KLHL3: variants seen among roughly 807,000 people sequenced by gnomAD.
KLHL3 encodes kelch like family member 3.
A neutral mutation model predicts 70.5 loss-of-function variants in KLHL3; 19 were observed. The ratio of observed to expected loss-of-function variants is 0.27; its 90% CI spans 0.19 to 0.40. KLHL3 has a LOEUF of 0.40. Among genes scored for constraint, KLHL3 ranks in the 10% least tolerant of loss-of-function variants. KLHL3 has a pLI of 1.00. For missense variants in KLHL3, 512 were observed against 771.1 expected (o/e 0.66, Z 3.98); for synonymous variants, 258 against 290.3 (o/e 0.89, Z 1.13).
In KLHL3 at chr5:137,620,671, C is replaced by T. The variant is rs1019046605; in HGVS notation, c.*1427G>A. 6.6e-6 allele frequency: 1 copy of T among 152,178 alleles called. No homozygotes were observed. The highest frequency in any genetic ancestry group is 2.4e-5 in the African/African-American group (1 of 41,432). The allele number at this position is 152,178 out of a possible 1,614,324, so 9.4% of individuals were successfully genotyped here. ...ATTACTCCATGCCCCCTCAAATGCC[C>T]GCTCCTCAAGATGCTTGAAGTTCTA... On this transcript the variant is annotated 3_prime_UTR_variant, in exon 15 of 15. Coordinates refer to ENST00000309755, the MANE Select transcript of KLHL3 (RefSeq NM_017415.3).
intron 8 of KLHL3, among the ~76,000 whole-genome samples, chr5:137,653,672 C>T (rs1199159816): frequency 2.6e-5 from 4 of 152,132 alleles, no homozygotes; most frequent in African/African-American, 9.7e-5. Flanking sequence ...AATAGTATAG[C>T]CATTTTAAAA....
chr5:137,702,418 G>C (rs1295186155), intron 3 of KLHL3, among the ~76,000 whole-genome samples: 1 of 152,204 alleles, frequency 6.6e-6, no homozygotes, highest in African/African-American at 2.4e-5. Context: ...CAAAGGTCTG[G>C]AGGTAACAAA....
chr5:137,644,216 C>T (rs1750986918), intron 8 of KLHL3, among the ~76,000 whole-genome samples: 1 of 152,010 alleles, frequency 6.6e-6, no homozygotes, highest in Admixed American at 6.6e-5. Flanking sequence ...TTACAGGTGC[C>T]CACCACCACA....
At chr5:137,664,305 G>A (rs1343138496) in intron 6 of KLHL3, among the ~76,000 whole-genome samples, 1 of 150,974 alleles carries the variant, frequency 6.6e-6, no homozygotes, top group Admixed American at 6.6e-5. Context: ...TGCCATGAGT[G>A]TACCACTGTA....
At chr5:137,663,690 T>A (rs887702651) in intron 6 of KLHL3, among the ~76,000 whole-genome samples, 2 of 152,208 alleles carry the variant, frequency 1.3e-5, no homozygotes, top group African/African-American at 4.8e-5. Flanking sequence ...TCTGAATATT[T>A]CCTTAGTTGA....
rs139890036 is a variant in KLHL3 at position 137,663,056 on chromosome 5, C to CTTTTTTTTTTTTTTTTTTT, written c.637-1044_637-1026dup. ...CCCTCAGTATCCTTGAGCACTCGTT[C>CTTTTTTTTTTTTTTTTTTT]TTTTTTTTTTTTTTTTTTTTTTTTT... On this transcript the variant is annotated intron_variant, in intron 6 of 14. Coordinates refer to ENST00000309755, the MANE Select transcript of KLHL3 (RefSeq NM_017415.3). 6.4e-5 allele frequency among the ~76,000 whole-genome samples: 5 copies of CTTTTTTTTTTTTTTTTTTT among 77,928 alleles called. 1 individual carries two copies. The highest frequency in any genetic ancestry group is 2.2e-4 in the African/African-American group (4 of 18,490). 51.1% of individuals were successfully genotyped at this position (77,928 alleles called of 152,430 possible).
chr5:137,677,455 A>T, intron 6 of KLHL3, 90 bp downstream of exon 6: 1 of 758,920 alleles, frequency 1.3e-6, no homozygotes, highest in South Asian at 1.8e-5. Flanking sequence ...CTCAAAAAAA[A>T]AGAAAAGAAA....
Position 137,735,810 on chromosome 5 carries a change from T to G in KLHL3, c.-164A>C, listed in dbSNP as rs1167015023. On this transcript the variant is annotated 5_prime_UTR_variant, in exon 1 of 15. Coordinates refer to ENST00000309755, the MANE Select transcript of KLHL3 (RefSeq NM_017415.3). Reference sequence around the variant, plus strand: ...CCTCCCTTCTCAATCCTCCTTCCTCTGACTTACTCGCAGCAGCTTCTACCG... The same window carrying G: ...CCTCCCTTCTCAATCCTCCTTCCTCGGACTTACTCGCAGCAGCTTCTACCG... The G allele has an allele frequency of 6.6e-6, 6 of 903,130 alleles. No homozygotes were observed. The highest frequency in any genetic ancestry group is 1.1e-5 in the Non-Finnish European group (6 of 554,616). The allele number at this position is 903,130 out of a possible 1,614,324, so 55.9% of individuals were successfully genotyped here.
At position 137,617,659 on chromosome 5, in the gene KLHL3, C is replaced by A. The variant is rs950356388; in HGVS notation, c.*4439G>T. The A allele has an allele frequency of 6.6e-6, 1 of 152,192 alleles. No homozygotes were observed. Among genetic ancestry groups the A allele is most frequent in the African/African-American group, 2.4e-5 (1 of 41,436 alleles). 9.4% of individuals were successfully genotyped at this position (152,192 alleles called of 1,614,324 possible). ...CAAGATATACAGTCCCTAACAGCCACGCAGAGAACACCAGATCGAGGATCT... is the reference window on the plus strand; with the variant it reads ...CAAGATATACAGTCCCTAACAGCCAAGCAGAGAACACCAGATCGAGGATCT... On this transcript the variant is annotated 3_prime_UTR_variant, in exon 15 of 15. Transcript: ENST00000309755.
chr5:137,712,187 A>C (rs2149930760), intron 2 of KLHL3, among the ~76,000 whole-genome samples: 1 of 148,936 alleles, frequency 6.7e-6, no homozygotes, highest in African/African-American at 2.5e-5. Context: ...AAAAAAGAGT[A>C]ACCGGTTATA....
chr5:137,649,643 C>T (rs1214214459), intron 8 of KLHL3, among the ~76,000 whole-genome samples: 1 of 152,228 alleles, frequency 6.6e-6, no homozygotes, highest in Non-Finnish European at 1.5e-5. Context: ...ATTTGTAATG[C>T]AGAAATAGAT....
rs1751915799 is a variant in KLHL3 at position 137,677,583 on chromosome 5, T to G, written c.598A>C (p.Ile200Leu). ...SLSLDQVCSL[I>L]SSDKLTVSSE... is the part of the protein sequence containing the mutation. ...GAAACGGTCAGCTTGTCGCTGGATA[T>G]CAAGCTGCACACCTGGTCCAGACTC... Residue 200 changes from isoleucine to leucine, a missense_variant, in exon 6 of 15, where the codon ATA becomes CTA. Transcript: ENST00000309755. The G allele has an allele frequency of 6.2e-7, 1 of 1,609,406 alleles. No homozygotes were observed. The highest frequency in any genetic ancestry group is 2.2e-5 in the East Asian group (1 of 44,536).
At chr5:137,704,909 A>C (rs1030667384) in intron 3 of KLHL3, among the ~76,000 whole-genome samples, 6 of 152,202 alleles carry the variant, frequency 3.9e-5, no homozygotes, top group Non-Finnish European at 2.9e-5. Context: ...GCCCTATGTC[A>C]CTGTCACTTA....
At chr5:137,628,492 C>T (rs374521775) in intron 12 of KLHL3, 55 bp from the exon 13 acceptor site, 1 of 1,603,928 alleles carries the variant, frequency 6.2e-7, no homozygotes, top group Non-Finnish European at 8.5e-7. Context: ...AACCAGAAAT[C>T]AGGAGGCCTG....
Position 137,647,987 on chromosome 5 carries a change from C to T in KLHL3, c.904-8010G>A, listed in dbSNP as rs573711523. Among the ~76,000 whole-genome samples, 5 of 152,256 alleles carry T rather than the reference C, an allele frequency of 3.3e-5. No individual in the cohort carries two copies. The East Asian group carries it at 9.6e-4, about 29-fold the overall frequency. On this transcript the variant is annotated intron_variant, in intron 8 of 14. Coordinates refer to ENST00000309755, the MANE Select transcript of KLHL3 (RefSeq NM_017415.3). ...TGCTTCCCATATGGGTGTCAGGAGG[C>T]TTAAATGATATGAAGCACTTAGCAC... is the stretch of plus-strand genomic sequence containing the variant.
Position 137,720,462 on chromosome 5 carries a change from T to C in KLHL3, c.134+3A>G, listed in dbSNP as rs780845253. On this transcript the variant is annotated splice_donor_region_variant and intron_variant, in intron 2 of 14. Coordinates refer to ENST00000309755, the MANE Select transcript of KLHL3 (RefSeq NM_017415.3). ...AAGGGCACGGACAAGATAGAAAAAG[T>C]ACCTCCGCAGTTCATTCATAACCTT... The C allele has an allele frequency of 1.9e-6, 3 of 1,614,084 alleles. No individual in the cohort carries two copies. Among genetic ancestry groups the C allele is most frequent in the Non-Finnish European group, 2.5e-6 (3 of 1,179,972 alleles).
At chr5:137,711,680 G>C (rs1451814731) in intron 2 of KLHL3, among the ~76,000 whole-genome samples, 2 of 152,132 alleles carry the variant, frequency 1.3e-5, no homozygotes, top group Non-Finnish European at 2.9e-5. Flanking sequence ...CTGGCTATGA[G>C]ACCATGGGCA....
At position 137,655,782 on chromosome 5, in the gene KLHL3, G is replaced by A. The variant is rs138070538; in HGVS notation, c.903+2349C>T. ...GTGGACTGCTTGAGCTCAGGAGTTC[G>A]AGACCAGCCTAGGCAATAGGCAAAA... On this transcript the variant is annotated intron_variant, in intron 8 of 14. Coordinates refer to ENST00000309755, the MANE Select transcript of KLHL3 (RefSeq NM_017415.3). Among the ~76,000 whole-genome samples, 242 of 151,946 alleles carry A rather than the reference G, an allele frequency of 1.6e-3. 1 individual carries two copies. The highest frequency in any genetic ancestry group is 5.6e-3 in the African/African-American group (231 of 41,460).
intron 2 of KLHL3, among the ~76,000 whole-genome samples, chr5:137,718,834 C>G (rs1217655329): frequency 1.3e-5 from 2 of 152,198 alleles, no homozygotes; most frequent in Admixed American, 6.5e-5. Context: ...GGCAGGAGGC[C>G]TGATAAAAAT....
Sources: allele counts gnomAD v4.1 joint callset (sites outside exome capture counted in the v4.1 genomes callset), GRCh38; gene constraint gnomAD v4.1.1; transcripts MANE v1.5; gene names NCBI Gene and HGNC (gene_info 2026-07-23, HGNC 2026-07-21).